The following RORB variants were observed in gnomAD, a reference collection of about 807,000 sequenced individuals.
The protein encoded by RORB is RAR related orphan receptor B, also known as nuclear receptor ROR-beta.
RORB carries 6 observed loss-of-function variants against 59.1 expected under a neutral mutation model. That is an observed-to-expected ratio of 0.10 (90% CI 0.06 to 0.20). The LOEUF (loss-of-function observed/expected upper bound fraction) is 0.20. RORB is among the 10% of genes least tolerant of loss of function. The pLI is 1.00. For synonymous variants in RORB, 215 were observed against 204.5 expected (o/e 1.05, Z -0.44); for missense variants, 320 against 560.5 (o/e 0.57, Z 4.33).
intron 9 of RORB, among the ~76,000 whole-genome samples, chr9:74,678,239 C>T (rs1192611245): frequency 6.6e-6 from 1 of 152,164 alleles, no homozygotes; most frequent in Non-Finnish European, 1.5e-5. Flanking sequence ...CCAACTCCAG[C>T]ACCTGAACTC....
intron 1 of RORB, among the ~76,000 whole-genome samples, chr9:74,628,956 A>C (rs953005149): frequency 6.6e-6 from 1 of 152,122 alleles, no homozygotes; most frequent in African/African-American, 2.4e-5. Context: ...CACACATAGA[A>C]AATAGAAATC....
At chr9:74,602,998 A>T in intron 1 of RORB, among the ~76,000 whole-genome samples, 1 of 152,150 alleles carries the variant, frequency 6.6e-6, no homozygotes, top group East Asian at 1.9e-4. Context: ...TTTAGTATGC[A>T]TTTGGTAAGA....
At chr9:74,624,736 C>T (rs928299254) in intron 1 of RORB, among the ~76,000 whole-genome samples, 2 of 152,062 alleles carry the variant, frequency 1.3e-5, no homozygotes, top group South Asian at 2.1e-4. Flanking sequence ...TTGGATTTGT[C>T]GCAGATGGTA....
chr9:74,541,279 CAAAAAAAAAAAAAAAAAAA>C (rs374556016), intron 1 of RORB, among the ~76,000 whole-genome samples: 1 of 43,614 alleles, frequency 2.3e-5, no homozygotes. Context: ...GACTCCATCT[CAAAAAAAAAAAAAAAAAAA>C]AAAAAAAAGT....
intron 1 of RORB, among the ~76,000 whole-genome samples, chr9:74,628,535 C>A (rs1563957577): frequency 6.6e-6 from 1 of 151,994 alleles, no homozygotes; most frequent in Non-Finnish European, 1.5e-5. Flanking sequence ...TTTTTGCTTA[C>A]AAAGATGATT....
intron 1 of RORB, among the ~76,000 whole-genome samples, chr9:74,548,703 G>A (rs973563074): frequency 1.3e-5 from 2 of 152,172 alleles, no homozygotes; most frequent in African/African-American, 4.8e-5. Context: ...GGTCATTGCA[G>A]AGAATGTGGA....
At chr9:74,579,870 T>C (rs1822695432) in intron 1 of RORB, among the ~76,000 whole-genome samples, 1 of 152,156 alleles carries the variant, frequency 6.6e-6, no homozygotes, top group African/African-American at 2.4e-5. Context: ...AGTTTTACAG[T>C]AGTTCCCTCT....
chr9:74,553,849 C>T (rs1197397237), intron 1 of RORB, among the ~76,000 whole-genome samples: 1 of 152,026 alleles, frequency 6.6e-6, no homozygotes, highest in Non-Finnish European at 1.5e-5. Flanking sequence ...TTTTCTTGAC[C>T]CAGGCGTAAA....
At position 74,630,736 on chromosome 9, in the gene RORB, A is replaced by C. The variant is rs552587567; in HGVS notation, c.93+369A>C. Among the ~76,000 whole-genome samples, 17 of 152,240 alleles carry C rather than the reference A, an allele frequency of 1.1e-4. No individual in the cohort carries two copies. The South Asian group carries it at 3.1e-3, about 28-fold the overall frequency. On this transcript the variant is annotated intron_variant, in intron 2 of 9. Coordinates refer to ENST00000376896, the MANE Select transcript of RORB (RefSeq NM_006914.4). The stretch of plus-strand genomic sequence containing the variant: ...GTTAAAATAAAGATTATAAACTAAT[A>C]GGTATATATTTAACTTTCTGCTTGA...
At chr9:74,625,468 G>T (rs1444086090) in intron 1 of RORB, among the ~76,000 whole-genome samples, 2 of 152,110 alleles carry the variant, frequency 1.3e-5, no homozygotes, top group East Asian at 3.9e-4. Flanking sequence ...GTAAAAATTA[G>T]CCAGGCATGG....
chr9:74,630,294 T>G lies in RORB; in HGVS notation c.20T>G (p.Val7Gly). MRAQIE[V>G]IPCKICGDKS... ...TTTCTCCTTTCAGCACAAATTGAAG[T>G]GATACCATGCAAAATTTGTGGCGAT... is the stretch of plus-strand genomic sequence containing the variant. The change falls in exon 2 of 10, where the codon GTG (valine) becomes GGG (glycine). Residue 7 changes from valine to glycine, a missense_variant. By Grantham distance (109) the Val-to-Gly change is moderately radical. This residue lies in a region of RORB where 37 missense variants were observed against 116.4 expected (regional missense o/e 0.32). Coordinates refer to ENST00000376896, the MANE Select transcript of RORB (RefSeq NM_006914.4). 1 of 1,613,356 alleles carries G rather than the reference T, an allele frequency of 6.2e-7. No homozygotes were observed. Among genetic ancestry groups the G allele is most frequent in the Non-Finnish European group, 8.5e-7 (1 of 1,179,356 alleles).
At chr9:74,557,253 A>G (rs1024047240) in intron 1 of RORB, among the ~76,000 whole-genome samples, 1 of 152,176 alleles carries the variant, frequency 6.6e-6, no homozygotes, top group African/African-American at 2.4e-5. Flanking sequence ...TGTTGGCTCA[A>G]ATAAATAGAT....
At chr9:74,551,101 A>C (rs1826601302) in intron 1 of RORB, among the ~76,000 whole-genome samples, 1 of 152,132 alleles carries the variant, frequency 6.6e-6, no homozygotes, top group Non-Finnish European at 1.5e-5. Context: ...CGATCTAGAG[A>C]TAATGTATGC....
intron 1 of RORB, among the ~76,000 whole-genome samples, chr9:74,560,367 A>G (rs1168947737): frequency 6.6e-6 from 1 of 152,156 alleles, no homozygotes; most frequent in Non-Finnish European, 1.5e-5. Flanking sequence ...ACATCCCTTA[A>G]ATTCTCTAGC....
chr9:74,620,381 T>A (rs780127110), intron 1 of RORB, among the ~76,000 whole-genome samples: 13 of 152,228 alleles, frequency 8.5e-5, no homozygotes, highest in Non-Finnish European at 1.6e-4. Flanking sequence ...GTGGGATCGG[T>A]GGTGATATCC....
intron 9 of RORB, among the ~76,000 whole-genome samples, chr9:74,683,008 T>C (rs973320296): frequency 6.6e-6 from 1 of 152,216 alleles, no homozygotes; most frequent in Non-Finnish European, 1.5e-5. Context: ...GAATGTTTGT[T>C]TCAAACATGG....
chr9:74,526,709 A>G (rs1826160954), intron 1 of RORB, among the ~76,000 whole-genome samples: 1 of 151,994 alleles, frequency 6.6e-6, no homozygotes, highest in African/African-American at 2.4e-5. Context: ...AAAATTGTGT[A>G]GTTATAACCA....
chr9:74,528,484 G>T (rs879334863), intron 1 of RORB, among the ~76,000 whole-genome samples: 8 of 151,984 alleles, frequency 5.3e-5, no homozygotes, highest in Admixed American at 5.2e-4. Context: ...GATTTAGTGT[G>T]CCAGGCCAAA....
chr9:74,612,065 T>C (rs781014354), intron 1 of RORB, among the ~76,000 whole-genome samples: 3 of 152,160 alleles, frequency 2.0e-5, no homozygotes, highest in African/African-American at 4.8e-5. Context: ...AACAGGATTA[T>C]TGAAGAGTAC....
Sources: allele counts gnomAD v4.1 joint callset (sites outside exome capture counted in the v4.1 genomes callset), GRCh38; gene constraint gnomAD v4.1.1; regional missense constraint gnomAD v4.1.1; transcripts MANE v1.5; gene names NCBI Gene and HGNC (gene_info 2026-07-23, HGNC 2026-07-21).